Variants in SYT14 observed in about 807,000 individuals in gnomAD.
The protein encoded by SYT14 is synaptotagmin 14.
Under a neutral mutation model 74.2 loss-of-function variants are expected in SYT14, and 32 were observed. That is an observed-to-expected ratio of 0.43 (90% confidence interval 0.33 to 0.58). SYT14 has a LOEUF of 0.58. Among genes scored for constraint, SYT14 ranks in the 20% least tolerant of loss-of-function variants. The pLI, the probability that SYT14 is intolerant of heterozygous loss-of-function variation, is 0.05. For missense variants in SYT14, 791 were observed against 981.8 expected, an observed-to-expected ratio of 0.81 and a Z score of 2.60; for synonymous variants, 298 against 337.7, an observed-to-expected ratio of 0.88 and a Z score of 1.29.
At chr1:210,024,399 A>G (rs1276205974) in intron 5 of SYT14, among the ~76,000 whole-genome samples, 1 of 152,212 alleles carries the variant, frequency 6.6e-6, no homozygotes, top group Non-Finnish European at 1.5e-5. Flanking sequence ...AACTTACTGG[A>G]TTTAGGAACT....
intron 2 of SYT14, among the ~76,000 whole-genome samples, chr1:209,970,788 T>C (rs978849379): frequency 6.8e-6 from 1 of 146,260 alleles, no homozygotes; most frequent in African/African-American, 2.5e-5. Flanking sequence ...TTCAAGCCAT[T>C]CTCCTGCCCT....
chr1:210,061,212 G>C (rs2081202136), intron 5 of SYT14, among the ~76,000 whole-genome samples: 1 of 151,734 alleles, frequency 6.6e-6, no homozygotes, highest in Non-Finnish European at 1.5e-5. Flanking sequence ...ATTATGTTTG[G>C]TATGTCAGTA....
At chr1:210,057,141 G>C (rs116499311) in intron 5 of SYT14, among the ~76,000 whole-genome samples, 1 of 152,034 alleles carries the variant, frequency 6.6e-6, no homozygotes, top group East Asian at 1.9e-4. Flanking sequence ...CACCACGCCC[G>C]ACCCCAGTTG....
rs2079466304 is a variant in SYT14, at chr1:209,980,629, G to A, written c.-486+27873G>A. On this transcript the variant is annotated intron_variant, in intron 2 of 9. Coordinates refer to ENST00000637265, the Ensembl canonical transcript of SYT14. ...TATCTCAAGTTGATTTTTGTATATG[G>A]TGTAAGGAAGGGGTCTAGTTTCAGT... is the stretch of plus-strand genomic sequence containing the variant. 2.6e-5 allele frequency among the ~76,000 whole-genome samples: 4 copies of A among 152,242 alleles called. No homozygotes were observed. In the South Asian group the frequency reaches 8.3e-4, roughly 32 times the overall value.
At chr1:210,142,184 C>G (rs2082929008) in intron 7 of SYT14, among the ~76,000 whole-genome samples, 1 of 152,178 alleles carries the variant, frequency 6.6e-6, no homozygotes, top group African/African-American at 2.4e-5. Flanking sequence ...CATTCTTCCC[C>G]CCTCCAGCAT....
chr1:210,035,151 A>C (rs1558144362), intron 5 of SYT14, among the ~76,000 whole-genome samples: 2 of 151,600 alleles, frequency 1.3e-5, no homozygotes, highest in Non-Finnish European at 3.0e-5. Context: ...TTTTTGACTT[A>C]ATAATAGTCA....
intron 5 of SYT14, among the ~76,000 whole-genome samples, chr1:210,038,716 T>C (rs926399991): frequency 2.0e-5 from 3 of 152,148 alleles, no homozygotes; most frequent in Non-Finnish European, 4.4e-5. Flanking sequence ...GTTGACAGTT[T>C]TGTTTTTAAG....
chr1:210,088,534 A>G (rs2081789511), intron 5 of SYT14, among the ~76,000 whole-genome samples: 1 of 152,074 alleles, frequency 6.6e-6, no homozygotes, highest in African/African-American at 2.4e-5. Flanking sequence ...GCACATGTAC[A>G]CGTATGTTTA....
At chr1:210,030,342 TG>T (rs887339988) in intron 5 of SYT14, among the ~76,000 whole-genome samples, 2 of 151,998 alleles carry the variant, frequency 1.3e-5, no homozygotes, top group African/African-American at 2.4e-5. Context: ...TTACTAGTGA[TG>T]GGGTTTCACC....
intron 7 of SYT14, among the ~76,000 whole-genome samples, chr1:210,143,494 T>G (rs1359563992): frequency 6.6e-6 from 1 of 152,164 alleles, no homozygotes; most frequent in African/African-American, 2.4e-5. Context: ...TCCCGTTTGT[T>G]TATATTTTAA....
chr1:210,017,080 T>A (rs1320573412), exon 4 of SYT14: 3 of 1,231,620 alleles, frequency 2.4e-6, no homozygotes, highest in Non-Finnish European at 3.0e-6. Flanking sequence ...AAAAATATTC[T>A]AAGATAATAC....
intron 9 of SYT14, 119 bp from the exon 9 acceptor site, chr1:210,160,610 A>T: frequency 1.2e-6 from 1 of 848,440 alleles, no homozygotes; most frequent in Non-Finnish European, 1.8e-6. Context: ...AATGTCCATT[A>T]AACATGGTAT....
chr1:210,130,879 T>C (rs1040704418), intron 7 of SYT14, among the ~76,000 whole-genome samples: 5 of 152,218 alleles, frequency 3.3e-5, no homozygotes, highest in African/African-American at 1.2e-4. Flanking sequence ...TGTATTCCTA[T>C]TTTAATGAAC....
rs1430403303 is a variant in SYT14 at position 210,010,259 on chromosome 1, C to A, written c.-485-3374C>A. On this transcript the variant is annotated intron_variant, in intron 2 of 9. Transcript: ENST00000637265. ...TTGCTTTCATCTCCAGTTACAGCTC[C>A]TCTGGTATATTCTTAATCTTTCCTG... 1.3e-5 allele frequency among the ~76,000 whole-genome samples: 2 copies of A among 152,244 alleles called. 1 individual carries two copies. The highest frequency in any genetic ancestry group is 3.9e-4 in the East Asian group (2 of 5,184).
intron 2 of SYT14, among the ~76,000 whole-genome samples, chr1:209,959,451 G>A (rs951286535): frequency 1.3e-5 from 2 of 152,068 alleles, no homozygotes; most frequent in African/African-American, 4.8e-5. Flanking sequence ...GCCTGGCAAC[G>A]TTATTCTTGA....
chr1:210,133,996 A>T (rs2082730447), intron 7 of SYT14, among the ~76,000 whole-genome samples: 1 of 152,102 alleles, frequency 6.6e-6, no homozygotes, highest in Admixed American at 6.5e-5. Context: ...TGGCAGGATT[A>T]CAACATTATT....
chr1:210,035,573 T>C (rs2080641844), intron 5 of SYT14, among the ~76,000 whole-genome samples: 1 of 151,996 alleles, frequency 6.6e-6, no homozygotes, highest in Non-Finnish European at 1.5e-5. Context: ...ATTTAATCCA[T>C]CTTGAGATAA....
At chr1:210,116,891 CATATA>C (rs1163865637) in intron 7 of SYT14, among the ~76,000 whole-genome samples, 3 of 152,138 alleles carry the variant, frequency 2.0e-5, no homozygotes, top group Non-Finnish European at 4.4e-5. Flanking sequence ...TATTCAGTTT[CATATA>C]ATATAATATT....
At chr1:209,955,026 A>G (rs1327099603) in intron 2 of SYT14, among the ~76,000 whole-genome samples, 3 of 151,488 alleles carry the variant, frequency 2.0e-5, no homozygotes, top group Non-Finnish European at 2.9e-5. Context: ...ACTTCTTTTT[A>G]CCTCTTTGAC....
Sources: allele counts gnomAD v4.1 joint callset (sites outside exome capture counted in the v4.1 genomes callset), GRCh38; gene constraint gnomAD v4.1.1; transcripts MANE v1.5; gene names NCBI Gene and HGNC (gene_info 2026-07-23, HGNC 2026-07-21).